Variants in ABCA1 observed in about 807,000 individuals in gnomAD.
ABCA1 encodes ATP binding cassette subfamily A member 1.
ABCA1 carries 133 observed loss-of-function variants against 262.5 expected under a neutral mutation model. The ratio of observed to expected loss-of-function variants is 0.51; its 90% CI spans 0.44 to 0.59. The LOEUF is 0.59. ABCA1 is among the 20% of genes least tolerant of loss of function. The probability of loss-of-function intolerance (pLI) is 0.00; values close to 1 mark genes in which losing one functional copy is unlikely to be tolerated. For synonymous variants in ABCA1, 1,022 were observed against 1,043.5 expected (o/e 0.98, Z 0.40); for missense variants, 2,452 against 2,777.5 (o/e 0.88, Z 2.63).
Position 104,828,501 on chromosome 9 carries a change from TC to T in ABCA1, c.2115+414del, listed in dbSNP as rs547849080. ...CCATACATCAAACTCTATTTCAGCCTCTGCTTCCAGACAGTCTAACCTGCAA... is the reference window on the plus strand; with the variant it reads ...CCATACATCAAACTCTATTTCAGCCTTGCTTCCAGACAGTCTAACCTGCAA... On this transcript the variant is annotated intron_variant, in intron 15 of 49. Coordinates refer to ENST00000374736, the MANE Select transcript of ABCA1 (RefSeq NM_005502.4). 3.6e-3 allele frequency among the ~76,000 whole-genome samples: 548 copies of T among 152,344 alleles called. 3 individuals carry two copies. The highest frequency in any genetic ancestry group is 0.01 in the Middle Eastern group (3 of 294).
chr9:104,870,138 C>T (rs1837472371), intron 5 of ABCA1, among the ~76,000 whole-genome samples: 1 of 152,194 alleles, frequency 6.6e-6, no homozygotes, highest in Admixed American at 6.5e-5. Context: ...TCTCTTTCAA[C>T]CAATGGGAAT....
At chr9:104,806,458 A>G in intron 30 of ABCA1, 28 bp from the exon 31 acceptor site, 1 of 1,612,596 alleles carries the variant, frequency 6.2e-7, no homozygotes, top group Non-Finnish European at 8.5e-7. Flanking sequence ...CAAGAGTAGG[A>G]TTACCAGAGA....
In ABCA1 at chr9:104,818,709, A is replaced by G. The variant is rs1325444658; in HGVS notation, c.3416T>C (p.Leu1139Pro). The G allele has an allele frequency of 1.9e-6, 3 of 1,613,578 alleles. No individual in the cohort carries two copies. Residue 1139 changes from leucine to proline, a missense_variant, in exon 23 of 50, where the codon CTC becomes CCC. Transcript: ENST00000374736. ...TLVKKDVESS[L>P]SSCRNSSSTV... ...GCTACTACTGTTTCTGCAGGAACTG[A>G]GGGAGGATTCCACATCTTTCTTGAC...
chr9:104,844,316 T>C (rs1432713390), intron 8 of ABCA1, among the ~76,000 whole-genome samples: 1 of 151,764 alleles, frequency 6.6e-6, no homozygotes, highest in African/African-American at 2.4e-5. Context: ...TAAAAAAGGT[T>C]ACCAGCCTTC....
chr9:104,821,085 A>G (rs563603867), intron 20 of ABCA1, among the ~76,000 whole-genome samples: 1 of 152,062 alleles, frequency 6.6e-6, no homozygotes. Flanking sequence ...TCTACTAAAA[A>G]CACAAAAATT....
At chr9:104,805,124 G>C (rs1298343985) in intron 31 of ABCA1, among the ~76,000 whole-genome samples, 1 of 152,120 alleles carries the variant, frequency 6.6e-6, no homozygotes, top group East Asian at 1.9e-4. Flanking sequence ...GCTCAGGCTG[G>C]AGTACAGTGG....
intron 1 of ABCA1, among the ~76,000 whole-genome samples, chr9:104,922,780 C>T (rs1049357728): frequency 6.6e-6 from 1 of 152,074 alleles, no homozygotes; most frequent in Non-Finnish European, 1.5e-5. Context: ...GGCACGATCT[C>T]GACTCAGTGC....
At chr9:104,835,204 T>A (rs1003371720) in intron 11 of ABCA1, among the ~76,000 whole-genome samples, 1 of 147,318 alleles carries the variant, frequency 6.8e-6, no homozygotes, top group Admixed American at 6.8e-5. Context: ...GCCAAGATCA[T>A]GCCACTGCAT....
At chr9:104,841,284 A>G (rs1258875284) in intron 8 of ABCA1, among the ~76,000 whole-genome samples, 1 of 152,000 alleles carries the variant, frequency 6.6e-6, no homozygotes, top group Non-Finnish European at 1.5e-5. Context: ...AAAAAAATAC[A>G]AAAATGTTGG....
intron 1 of ABCA1, among the ~76,000 whole-genome samples, chr9:104,906,572 C>A (rs919621027): frequency 6.6e-6 from 1 of 152,108 alleles, no homozygotes; most frequent in South Asian, 2.1e-4. Context: ...CACCTTGGCA[C>A]TGACCTGGCC....
intron 1 of ABCA1, among the ~76,000 whole-genome samples, chr9:104,921,141 C>T (rs776142270): frequency 1.3e-5 from 2 of 152,158 alleles, no homozygotes; most frequent in Non-Finnish European, 2.9e-5. Flanking sequence ...GGAAGTCTTT[C>T]ATAAATGGTT....
intron 1 of ABCA1, among the ~76,000 whole-genome samples, chr9:104,919,183 T>C (rs1054331055): frequency 2.0e-5 from 3 of 152,200 alleles, no homozygotes; most frequent in Non-Finnish European, 4.4e-5. Flanking sequence ...TACTTCAAAC[T>C]ATCCTCATGA....
chr9:104,864,804 C>T (rs1836941074), intron 5 of ABCA1, among the ~76,000 whole-genome samples: 1 of 151,980 alleles, frequency 6.6e-6, no homozygotes, highest in Admixed American at 6.5e-5. Flanking sequence ...CATCCTGCAA[C>T]ACTCTCCAGA....
chr9:104,834,604 G>A (rs1249263259), intron 11 of ABCA1, among the ~76,000 whole-genome samples: 1 of 149,132 alleles, frequency 6.7e-6, no homozygotes, highest in Non-Finnish European at 1.5e-5. Context: ...AGAAAGATGC[G>A]CCCACTGAGA....
chr9:104,895,366 T>C lies in ABCA1; in HGVS notation c.67-6171A>G, dbSNP rs138960174. 6.7e-3 allele frequency among the ~76,000 whole-genome samples: 1,015 copies of C among 152,312 alleles called. 14 individuals are homozygous for C. Among genetic ancestry groups the C allele is most frequent in the African/African-American group, 0.023 (961 of 41,562 alleles). On this transcript the variant is annotated intron_variant, in intron 2 of 49. Coordinates refer to ENST00000374736, the MANE Select transcript of ABCA1 (RefSeq NM_005502.4). ...GACCCTACTGACATTTGGGGCCAGA[T>C]AGGTGTTGTGAGAGACTCTCCTATG...
chr9:104,872,337 G>A (rs1837692468), intron 5 of ABCA1, among the ~76,000 whole-genome samples: 1 of 152,152 alleles, frequency 6.6e-6, no homozygotes, highest in Non-Finnish European at 1.5e-5. Context: ...AATTTAATGA[G>A]ATGTTTTAAA....
intron 49 of ABCA1, among the ~76,000 whole-genome samples, chr9:104,784,880 G>GATC (rs1828784587): frequency 6.6e-6 from 1 of 152,170 alleles, no homozygotes; most frequent in Non-Finnish European, 1.5e-5. Context: ...CTGACCTCAT[G>GATC]ATCTGCCTGC....
intron 11 of ABCA1, among the ~76,000 whole-genome samples, chr9:104,834,150 G>C (rs1833591990): frequency 6.7e-6 from 1 of 149,694 alleles, no homozygotes; most frequent in African/African-American, 2.4e-5. Flanking sequence ...ATTGTATAGA[G>C]TATATGTAAT....
intron 5 of ABCA1, among the ~76,000 whole-genome samples, chr9:104,864,079 C>G (rs1836861370): frequency 1.3e-5 from 2 of 152,170 alleles, no homozygotes. Context: ...TTGTCTCTAC[C>G]AGACTATGCC....
Sources: allele counts gnomAD v4.1 joint callset (sites outside exome capture counted in the v4.1 genomes callset), GRCh38; gene constraint gnomAD v4.1.1; transcripts MANE v1.5; gene names NCBI Gene and HGNC (gene_info 2026-07-23, HGNC 2026-07-21).